The following EXOC6B variants were observed in gnomAD, a reference collection of about 807,000 sequenced individuals.
EXOC6B encodes the protein exocyst complex component 6B.
A neutral mutation model predicts 113.5 loss-of-function variants in EXOC6B; 54 were observed. That is an observed-to-expected ratio of 0.48 (90% CI 0.38 to 0.60). The LOEUF is 0.60. Among genes scored for constraint, EXOC6B ranks in the 20% least tolerant of loss-of-function variants. The probability of loss-of-function intolerance (pLI) is 0.00; values close to 1 mark genes in which losing one functional copy is unlikely to be tolerated. For synonymous variants in EXOC6B, 357 were observed against 339.0 expected (o/e 1.05, Z -0.58); for missense variants, 797 against 977.5 (o/e 0.82, Z 2.46).
At chr2:72,815,382 T>C (rs1686173836) in intron 1 of EXOC6B, among the ~76,000 whole-genome samples, 1 of 151,326 alleles carries the variant, frequency 6.6e-6, no homozygotes, top group African/African-American at 2.4e-5. Context: ...TCCCAGCTAC[T>C]CAGGAGGCTA....
intron 19 of EXOC6B, among the ~76,000 whole-genome samples, chr2:72,379,446 T>C (rs1691550084): frequency 6.6e-6 from 1 of 152,218 alleles, no homozygotes; most frequent in Admixed American, 6.5e-5. Flanking sequence ...AGGTTTTCTT[T>C]AGTGTCTATT....
intron 1 of EXOC6B, among the ~76,000 whole-genome samples, chr2:72,818,397 G>A (rs1162315282): frequency 1.4e-5 from 2 of 147,078 alleles, no homozygotes; most frequent in African/African-American, 2.5e-5. Flanking sequence ...TCCTGACCTC[G>A]TGATCCGCCC....
At chr2:72,647,605 G>A (rs1225480401) in intron 6 of EXOC6B, among the ~76,000 whole-genome samples, 1 of 152,144 alleles carries the variant, frequency 6.6e-6, no homozygotes, top group Non-Finnish European at 1.5e-5. Context: ...GAACAGAACA[G>A]AGGCCTCAGA....
At chr2:72,579,210 G>T (rs753944873) in intron 6 of EXOC6B, among the ~76,000 whole-genome samples, 3 of 152,166 alleles carry the variant, frequency 2.0e-5, no homozygotes, top group East Asian at 1.9e-4. Flanking sequence ...TATTCTGGCC[G>T]TGATGACTAA....
intron 7 of EXOC6B, among the ~76,000 whole-genome samples, chr2:72,573,739 TAAACTTTAAAAATG>T (rs1172603894): frequency 6.6e-6 from 1 of 152,174 alleles, no homozygotes; most frequent in Non-Finnish European, 1.5e-5. Flanking sequence ...TAGTACAATA[TAAACTTTAAAAATG>T]ATAAATAAAA....
intron 6 of EXOC6B, among the ~76,000 whole-genome samples, chr2:72,652,932 G>C (rs977924654): frequency 2.0e-5 from 3 of 151,532 alleles, no homozygotes; most frequent in African/African-American, 7.3e-5. Context: ...GATCACTTGA[G>C]CCCAGGAGTT....
chr2:72,304,645 C>A (rs1462828515), intron 20 of EXOC6B, among the ~76,000 whole-genome samples: 1 of 152,134 alleles, frequency 6.6e-6, no homozygotes, highest in Non-Finnish European at 1.5e-5. Context: ...GTAAACTTTG[C>A]ACAGCAGAAA....
In EXOC6B at chr2:72,427,106, C is replaced by T. The variant is rs146132926; in HGVS notation, c.1980+38054G>A. Reference sequence around the variant, plus strand: ...GGGCCTGGGGCAGTGTGATGCTTCACAGAGCCCGCAGCAGCCAGGGACAAG... The same window carrying T: ...GGGCCTGGGGCAGTGTGATGCTTCATAGAGCCCGCAGCAGCCAGGGACAAG... On this transcript the variant is annotated intron_variant, in intron 18 of 21. Transcript: ENST00000272427. 6.0e-3 allele frequency among the ~76,000 whole-genome samples: 917 copies of T among 152,340 alleles called. 12 individuals carry two copies. Among genetic ancestry groups the T allele is most frequent in the African/African-American group, 0.02 (847 of 41,572 alleles).
At chr2:72,277,956 T>C (rs1431009382) in intron 20 of EXOC6B, among the ~76,000 whole-genome samples, 1 of 152,134 alleles carries the variant, frequency 6.6e-6, no homozygotes. Flanking sequence ...AATATATATG[T>C]ATGAAATAAA....
chr2:72,455,959 C>A (rs921056737), intron 18 of EXOC6B, among the ~76,000 whole-genome samples: 2 of 151,968 alleles, frequency 1.3e-5, no homozygotes, highest in African/African-American at 4.8e-5. Context: ...GAACATGACA[C>A]AAGGAAAAAT....
chr2:72,590,772 CTCTACTACCTAT>C (rs1438691036), intron 6 of EXOC6B, among the ~76,000 whole-genome samples: 4 of 152,012 alleles, frequency 2.6e-5, no homozygotes, highest in Non-Finnish European at 2.9e-5. Context: ...TAGATCATAT[CTCTACTACCTAT>C]TCCTTTAAGA....
At chr2:72,748,934 C>T (rs977868588) in intron 1 of EXOC6B, among the ~76,000 whole-genome samples, 2 of 152,002 alleles carry the variant, frequency 1.3e-5, no homozygotes, top group Non-Finnish European at 2.9e-5. Context: ...AAATTAAGAA[C>T]ATAGAGACTG....
At chr2:72,631,161 T>C (rs1247252256) in intron 6 of EXOC6B, among the ~76,000 whole-genome samples, 1 of 151,352 alleles carries the variant, frequency 6.6e-6, no homozygotes. Context: ...AGTATAGGAA[T>C]GTGTGTGTTT....
intron 20 of EXOC6B, among the ~76,000 whole-genome samples, chr2:72,318,029 G>A (rs1236579650): frequency 2.0e-5 from 3 of 152,102 alleles, no homozygotes. Flanking sequence ...AAATAGAGAA[G>A]TTACACCCTC....
chr2:72,369,950 G>A (rs1158436494), intron 19 of EXOC6B, among the ~76,000 whole-genome samples: 1 of 152,102 alleles, frequency 6.6e-6, no homozygotes, highest in Non-Finnish European at 1.5e-5. Flanking sequence ...CATAGGCATG[G>A]GCAAGGACTT....
chr2:72,569,261 C>A (rs1704379994), intron 7 of EXOC6B, among the ~76,000 whole-genome samples: 1 of 152,076 alleles, frequency 6.6e-6, no homozygotes, highest in South Asian at 2.1e-4. Flanking sequence ...AATTTTAAAT[C>A]ATATTCTCTT....
intron 8 of EXOC6B, among the ~76,000 whole-genome samples, chr2:72,537,910 A>G (rs1702388226): frequency 6.6e-6 from 1 of 152,172 alleles, no homozygotes; most frequent in South Asian, 2.1e-4. Flanking sequence ...AGGGCTCAAT[A>G]AAATCATGGC....
chr2:72,381,032 A>G (rs911456423), intron 18 of EXOC6B, among the ~76,000 whole-genome samples: 2 of 152,192 alleles, frequency 1.3e-5, no homozygotes, highest in African/African-American at 4.8e-5. Context: ...TTACAAATAC[A>G]GTTTAAGCCC....
chr2:72,636,450 G>A (rs1157990841), intron 6 of EXOC6B, among the ~76,000 whole-genome samples: 1 of 150,504 alleles, frequency 6.6e-6, no homozygotes, highest in African/African-American at 2.5e-5. Context: ...GAAGAAGGAA[G>A]AAGAAGGAGG....
Sources: gnomAD v4.1 joint callset for allele counts (sites outside exome capture counted in the v4.1 genomes callset) on GRCh38, gnomAD v4.1.1 for gene constraint, MANE v1.5 for transcripts, NCBI Gene and HGNC (gene_info 2026-07-23, HGNC 2026-07-21) for gene names.